ADD3: variants seen among roughly 807,000 people sequenced by gnomAD.
The protein encoded by ADD3 is gamma-adducin.
In ADD3, 25 loss-of-function variants were observed where a neutral mutation model predicts 80.2. That is an observed-to-expected ratio of 0.31 (90% CI 0.23 to 0.44). The LOEUF (loss-of-function observed/expected upper bound fraction) is 0.44, where lower values mean the gene tolerates loss of function less well. Ranked by LOEUF, ADD3 falls within the 20% of genes least tolerant of loss-of-function variation. The pLI is 1.00. For missense variants in ADD3, 829 were observed against 847.5 expected, an observed-to-expected ratio of 0.98 and a Z score of 0.27; for synonymous variants, 284 against 289.6, an observed-to-expected ratio of 0.98 and a Z score of 0.20.
intron 1 of ADD3, among the ~76,000 whole-genome samples, chr10:110,072,416 G>C (rs990135329): frequency 6.6e-6 from 1 of 152,158 alleles, no homozygotes; most frequent in African/African-American, 2.4e-5. Context: ...TCTAGGTCCT[G>C]AGGGGCCCTG....
chr10:110,072,254 A>T (rs1241843622), intron 1 of ADD3, among the ~76,000 whole-genome samples: 4 of 152,068 alleles, frequency 2.6e-5, no homozygotes, highest in Non-Finnish European at 4.4e-5. Context: ...TTTAGTAGAG[A>T]TGGGGTTTCA....
chr10:110,003,175 T>TG (rs1220836249), upstream of ADD3, among the ~76,000 whole-genome samples: 7 of 150,978 alleles, frequency 4.6e-5, no homozygotes, highest in South Asian at 1.3e-3. Flanking sequence ...AGGTAAATTT[T>TG]GGGGGGGTGG....
intron 1 of ADD3, among the ~76,000 whole-genome samples, chr10:110,098,509 G>A (rs1848432831): frequency 6.6e-6 from 1 of 152,136 alleles, no homozygotes; most frequent in Non-Finnish European, 1.5e-5. Context: ...TAGACATTGT[G>A]CTATTTGCAA....
intron 1 of ADD3, among the ~76,000 whole-genome samples, chr10:110,062,789 C>G (rs577516232): frequency 1.3e-5 from 2 of 152,176 alleles, no homozygotes; most frequent in African/African-American, 2.4e-5. Flanking sequence ...ATATCACACT[C>G]TACCAGATTC....
At chr10:110,107,496 A>T (rs1849522558) in intron 2 of ADD3, among the ~76,000 whole-genome samples, 1 of 152,190 alleles carries the variant, frequency 6.6e-6, no homozygotes, top group Non-Finnish European at 1.5e-5. Flanking sequence ...AAAAAATTAC[A>T]TAGCAGCAGA....
upstream of ADD3, among the ~76,000 whole-genome samples, chr10:110,007,520 G>A (rs531000948): frequency 6.6e-6 from 1 of 152,360 alleles, no homozygotes; most frequent in Non-Finnish European, 1.5e-5. Flanking sequence ...ACATTTCCGA[G>A]GCGCCCCTCC....
intron 2 of ADD3, among the ~76,000 whole-genome samples, chr10:110,111,900 C>G (rs749446527): frequency 6.8e-6 from 1 of 147,958 alleles, no homozygotes; most frequent in African/African-American, 2.6e-5. Flanking sequence ...GCAACAAGAG[C>G]GAAACTCTGT....
intron 1 of ADD3, among the ~76,000 whole-genome samples, chr10:110,019,595 C>G (rs1807554785): frequency 6.6e-6 from 1 of 152,152 alleles, no homozygotes; most frequent in African/African-American, 2.4e-5. Flanking sequence ...ACCTCATGAT[C>G]CGCCCACCTC....
At chr10:110,084,972 T>TA (rs1420769172) in intron 1 of ADD3, among the ~76,000 whole-genome samples, 4 of 152,218 alleles carry the variant, frequency 2.6e-5, no homozygotes, top group Admixed American at 2.6e-4. Context: ...TCTCACTTTT[T>TA]ATTGAGAGTT....
chr10:109,997,411 C>CA (rs1291002550), intron 1 of ADD3: 2 of 152,200 alleles, frequency 1.3e-5, no homozygotes, highest in African/African-American at 4.8e-5. Flanking sequence ...CAAAAACAAA[C>CA]ATTTACTATA....
In ADD3 at chr10:110,117,388, G is replaced by T; in HGVS notation, c.533G>T (p.Gly178Val). The change falls in exon 5 of 15, where the codon GGC becomes GTC. Residue 178 changes from glycine (G) to valine (V), a missense_variant. Gly to Val is a moderately radical substitution (Grantham distance 109, BLOSUM62 -3). Coordinates refer to ENST00000356080, the MANE Select transcript of ADD3 (RefSeq NM_016824.5). ...EQDHIIIIPR[G>V]LSFSEATASN... ...GACCACATTATAATAATTCCCAGAG[G>T]CCTATCTTTTTCTGAAGCTACAGCC... is the stretch of plus-strand genomic sequence containing the variant. 1 of 1,607,964 alleles carries T rather than the reference G, an allele frequency of 6.2e-7. No individual in the cohort carries two copies. The highest frequency in any genetic ancestry group is 8.5e-7 in the Non-Finnish European group (1 of 1,174,892).
upstream of ADD3, among the ~76,000 whole-genome samples, chr10:110,003,300 A>AGG (rs1554893816): frequency 5.3e-4 from 76 of 142,150 alleles, 1 homozygote; most frequent in South Asian, 2.0e-3. Context: ...GGGAACAGTA[A>AGG]GGGTGTGTGT....
At chr10:110,087,121 C>T (rs1218861915) in intron 1 of ADD3, among the ~76,000 whole-genome samples, 1 of 152,128 alleles carries the variant, frequency 6.6e-6, no homozygotes, top group Admixed American at 6.5e-5. Context: ...CTCTGCCTCC[C>T]AGGTTCCAGC....
intron 1 of ADD3, among the ~76,000 whole-genome samples, chr10:110,042,078 T>A (rs1231714832): frequency 6.6e-6 from 1 of 152,216 alleles, no homozygotes; most frequent in Non-Finnish European, 1.5e-5. Flanking sequence ...TTATTTGTTG[T>A]AAAAGGAGAA....
chr10:110,055,318 T>C (rs10749025), intron 1 of ADD3, among the ~76,000 whole-genome samples: 144,207 of 152,222 alleles, frequency 0.95, 68,788 homozygotes, highest in East Asian at 1. Flanking sequence ...AGCTACTTGT[T>C]GCTATTACCC....
chr10:110,114,977 G>A (rs1850528276), intron 3 of ADD3, among the ~76,000 whole-genome samples: 1 of 151,946 alleles, frequency 6.6e-6, no homozygotes. Flanking sequence ...TACTCAGGAG[G>A]CTGAGGTGGA....
At chr10:110,069,118 A>C (rs1402273840) in intron 1 of ADD3, among the ~76,000 whole-genome samples, 1 of 152,154 alleles carries the variant, frequency 6.6e-6, no homozygotes, top group Non-Finnish European at 1.5e-5. Context: ...ACATGGTTAA[A>C]TGCAGGTGCG....
chr10:110,129,728 G>A (rs1005921648), intron 12 of ADD3, among the ~76,000 whole-genome samples: 2 of 152,102 alleles, frequency 1.3e-5, no homozygotes, highest in African/African-American at 2.4e-5. Flanking sequence ...GCTACCTGCT[G>A]TTCCACTTGC....
chr10:110,116,276 C>T lies in ADD3; in HGVS notation c.352C>T (p.Pro118Ser), dbSNP rs1418038936. 6.2e-7 allele frequency: 1 copy of T among 1,613,938 alleles called. No homozygotes were observed. Among genetic ancestry groups the T allele is most frequent in the Admixed American group, 1.7e-5 (1 of 60,000 alleles). ...TCTTTTAGGTCTTGGCATGGTCACA[C>T]CTATCAATGACCTTCCTGGTGCAGA... ...SPPLSLGMVTPINDLPGADTS... is the reference protein window; with the variant it reads ...SPPLSLGMVTSINDLPGADTS... Residue 118 changes from proline to serine, a missense_variant, in exon 4 of 15, where the codon CCT becomes TCT. Physicochemically the swap from Pro to Ser is moderately conservative, Grantham distance 74. Transcript: ENST00000356080.
Sources: allele counts gnomAD v4.1 joint callset (sites outside exome capture counted in the v4.1 genomes callset), GRCh38; gene constraint gnomAD v4.1.1; transcripts MANE v1.5; gene names NCBI Gene and HGNC (gene_info 2026-07-23, HGNC 2026-07-21).